NBAS: variants seen among roughly 807,000 people sequenced by gnomAD.
NBAS encodes NBAS subunit of NRZ tethering complex, also known as NAG/BC035112 fusion.
Under a neutral mutation model 302.5 loss-of-function variants are expected in NBAS, and 219 were observed. The observed-to-expected ratio is 0.72, with a 90% confidence interval of 0.65 to 0.81. The LOEUF is 0.81. NBAS is among the 30% of genes least tolerant of loss of function. The pLI is 0.00. For missense variants in NBAS, 2,932 were observed against 2,841.6 expected (o/e 1.03, Z -0.72); for synonymous variants, 1,118 against 1,021.6 (o/e 1.09, Z -1.80).
chr2:15,140,798 T>C, the NBAS span, among the ~76,000 whole-genome samples: 4 of 152,190 alleles, frequency 2.6e-5, no homozygotes, highest in Admixed American at 6.5e-5. Context: ...TGAAAAAGTA[T>C]GTGAAATACA....
At chr2:14,936,300 A>C in the NBAS span, among the ~76,000 whole-genome samples, 1 of 152,226 alleles carries the variant, frequency 6.6e-6, no homozygotes, top group Non-Finnish European at 1.5e-5. Flanking sequence ...AAAGCTAACC[A>C]AAATCTAATT....
At chr2:15,353,479 C>G in intron 34 of NBAS, 74 bp downstream of exon 34, 1 of 1,561,992 alleles carries the variant, frequency 6.4e-7, no homozygotes, top group Non-Finnish European at 8.8e-7. Flanking sequence ...TTTAAGTGAC[C>G]ACATACCTCA....
At chr2:15,397,392 C>A in intron 26 of NBAS, 1 of 290,440 alleles carries the variant, frequency 3.4e-6, no homozygotes, top group Non-Finnish European at 6.4e-6. Context: ...TTGTATTTTT[C>A]TCCAGAGAAT....
the NBAS span, among the ~76,000 whole-genome samples, chr2:14,932,273 G>A: frequency 1.3e-5 from 2 of 152,172 alleles, no homozygotes; most frequent in African/African-American, 2.4e-5. Flanking sequence ...TCCTAAGAAG[G>A]CTTAAAGAGT....
chr2:14,839,503 C>T, the NBAS span, among the ~76,000 whole-genome samples: 42 of 152,060 alleles, frequency 2.8e-4, no homozygotes, highest in Non-Finnish European at 5.3e-4. Context: ...AAACTTTACC[C>T]TGTAACTTAG....
At chr2:15,179,720 C>T (rs753119565) in intron 50 of NBAS, 9 of 152,860 alleles carry the variant, frequency 5.9e-5, no homozygotes, top group Non-Finnish European at 1.0e-4. Context: ...TCTATCTTCA[C>T]GAAAACTATC....
At chr2:14,953,588 C>G in the NBAS span, among the ~76,000 whole-genome samples, 3 of 152,280 alleles carry the variant, frequency 2.0e-5, no homozygotes, top group Admixed American at 6.5e-5. Context: ...CCTAGAGACT[C>G]TGGCTAAACT....
At chr2:14,847,315 GGAGCTTGCAGTGAGCC>G in the NBAS span, among the ~76,000 whole-genome samples, 237 of 148,154 alleles carry the variant, frequency 1.6e-3, no homozygotes, top group African/African-American at 5.6e-3. Flanking sequence ...CCCAGGAGGC[GGAGCTTGCAGTGAGCC>G]AAGACCACAC....
chr2:15,151,030 C>T, the NBAS span, among the ~76,000 whole-genome samples: 6 of 152,208 alleles, frequency 3.9e-5, no homozygotes, highest in African/African-American at 1.4e-4. Context: ...TAATTCCGTA[C>T]TTGTCAATAT....
the NBAS span, among the ~76,000 whole-genome samples, chr2:14,914,107 T>A: frequency 2.0e-5 from 3 of 152,188 alleles, no homozygotes; most frequent in Admixed American, 2.0e-4. Context: ...AATGATCAGA[T>A]CTCATGAGAC....
At chr2:14,914,911 C>T in the NBAS span, among the ~76,000 whole-genome samples, 1 of 152,186 alleles carries the variant, frequency 6.6e-6, no homozygotes, top group African/African-American at 2.4e-5. Context: ...GATTAGATAT[C>T]TGGAAGTCAG....
chr2:15,484,820 A>T (rs1169188864), intron 12 of NBAS, among the ~76,000 whole-genome samples: 1 of 152,172 alleles, frequency 6.6e-6, no homozygotes, highest in African/African-American at 2.4e-5. Context: ...AGAGTCAATA[A>T]ATACTTGAAC....
At chr2:15,211,320 A>G (rs977039145) in intron 48 of NBAS, among the ~76,000 whole-genome samples, 1 of 152,206 alleles carries the variant, frequency 6.6e-6, no homozygotes, top group African/African-American at 2.4e-5. Context: ...TGCAACCTAT[A>G]TTAGATGTGG....
intron 47 of NBAS, among the ~76,000 whole-genome samples, chr2:15,222,948 A>G (rs1667010570): frequency 6.6e-6 from 1 of 152,250 alleles, no homozygotes; most frequent in Admixed American, 6.5e-5. Flanking sequence ...TTTTAAAGGA[A>G]CATGCTCTCA....
the NBAS span, among the ~76,000 whole-genome samples, chr2:14,884,132 A>G: frequency 6.6e-6 from 1 of 152,042 alleles, no homozygotes; most frequent in African/African-American, 2.4e-5. Context: ...GCCCACAACC[A>G]CCATGGTCCA....
chr2:15,549,602 C>G (rs923014742), intron 6 of NBAS, among the ~76,000 whole-genome samples: 1 of 152,026 alleles, frequency 6.6e-6, no homozygotes, highest in African/African-American at 2.4e-5. Flanking sequence ...GTGACACGCA[C>G]CTGTAGCCCC....
At chr2:15,196,123 C>T (rs1472712583) in intron 48 of NBAS, among the ~76,000 whole-genome samples, 1 of 152,212 alleles carries the variant, frequency 6.6e-6, no homozygotes, top group African/African-American at 2.4e-5. Context: ...CACTCACACT[C>T]AAAAATTTGC....
chr2:15,534,957 C>T (rs1317788904), intron 8 of NBAS, among the ~76,000 whole-genome samples: 1 of 152,118 alleles, frequency 6.6e-6, no homozygotes, highest in Non-Finnish European at 1.5e-5. Flanking sequence ...GCATTATTTG[C>T]AGGGGCCAAG....
At chr2:14,993,623 T>C in the NBAS span, among the ~76,000 whole-genome samples, 47 of 152,354 alleles carry the variant, frequency 3.1e-4, no homozygotes, top group Admixed American at 7.2e-4. Context: ...TTCTTCTAAT[T>C]TAGAGTTGTC....
Sources: allele counts gnomAD v4.1 joint callset (sites outside exome capture counted in the v4.1 genomes callset), GRCh38; gene constraint gnomAD v4.1.1; transcripts MANE v1.5; gene names NCBI Gene and HGNC (gene_info 2026-07-23, HGNC 2026-07-21).